Variants in TCF7L1 observed in about 807,000 individuals in gnomAD.
TCF7L1 encodes the protein transcription factor 7-like 1.
Under a neutral mutation model 63.7 loss-of-function variants are expected in TCF7L1, and 18 were observed. The ratio of observed to expected loss-of-function variants is 0.28; its 90% CI spans 0.20 to 0.42. TCF7L1 has a LOEUF of 0.42. Among genes scored for constraint, TCF7L1 ranks in the 10% least tolerant of loss-of-function variants. The pLI is 1.00. For missense variants in TCF7L1, 654 were observed against 779.3 expected, an observed-to-expected ratio of 0.84 and a Z score of 1.91; for synonymous variants, 355 against 340.9, an observed-to-expected ratio of 1.04 and a Z score of -0.46.
At chr2:85,154,777 C>T (rs1278292792) in intron 3 of TCF7L1, among the ~76,000 whole-genome samples, 2 of 152,216 alleles carry the variant, frequency 1.3e-5, no homozygotes, top group South Asian at 2.1e-4. Flanking sequence ...TAAGGAAGGC[C>T]GTCAAACAAG....
At position 85,133,610 on chromosome 2, in the gene TCF7L1, G is replaced by A. The variant is rs1005961840; in HGVS notation, c.-75G>A. 2 of 534,944 alleles carry A rather than the reference G, an allele frequency of 3.7e-6. No individual in the cohort carries two copies. Among genetic ancestry groups the A allele is most frequent in the African/African-American group, 4.1e-5 (2 of 48,392 alleles). The allele number at this position is 534,944 out of a possible 1,614,324, so 33.1% of individuals were successfully genotyped here. ...AGCGGGCCCGCAAGCGGGCGGGAGG[G>A]GCGCCGGGCCGGGCCGGGCAGGGCG... On this transcript the variant is annotated 5_prime_UTR_variant, in exon 1 of 12. Coordinates refer to ENST00000282111, the MANE Select transcript of TCF7L1 (RefSeq NM_031283.3). This position sits in a 1 kb window ranked among gnomAD's most constrained non-coding sequence, Gnocchi z 4.4.
At chr2:85,283,274 C>CCCA (rs1558655735) in intron 3 of TCF7L1, among the ~76,000 whole-genome samples, 1 of 138,712 alleles carries the variant, frequency 7.2e-6, no homozygotes, top group South Asian at 2.3e-4. Context: ...GTCCCCCCCC[C>CCCA]CAAAATGACA....
chr2:85,215,692 C>A (rs1679684356), intron 3 of TCF7L1, among the ~76,000 whole-genome samples: 1 of 140,260 alleles, frequency 7.1e-6, no homozygotes. Context: ...TTCTCTGTCC[C>A]TAATTGTTTG....
chr2:85,286,378 A>AT (rs1269847040), intron 4 of TCF7L1, among the ~76,000 whole-genome samples: 1 of 151,948 alleles, frequency 6.6e-6, no homozygotes, highest in African/African-American at 2.4e-5. Flanking sequence ...AAACAAAAAA[A>AT]AAAACTAACA....
rs778823137 is a variant in TCF7L1, at chr2:85,302,525, T to C, written c.567T>C (p.His189=). 37 of 1,614,206 alleles carry C rather than the reference T, an allele frequency of 2.3e-5. No individual in the cohort carries two copies. In the South Asian group the frequency reaches 4.1e-4, roughly 18 times the overall value. Residue 189 remains histidine (H), a synonymous_variant, in exon 5 of 12, where the codon CAT becomes CAC. Transcript: ENST00000282111. ...VPVVQHPHHM[H]PLTPLITYSN... ...TCGTTCAGCACCCGCATCACATGCA[T>C]CCGCTGACTCCCCTCATCACCTACA...
intron 3 of TCF7L1, among the ~76,000 whole-genome samples, chr2:85,173,425 G>A (rs527936230): frequency 1.3e-5 from 2 of 152,258 alleles, no homozygotes; most frequent in South Asian, 4.2e-4. Context: ...CAGCACCATG[G>A]GGGGATATAT....
Position 85,307,690 on chromosome 2 carries a change from T to A in TCF7L1, c.1306T>A (p.Ser436Thr), listed in dbSNP as rs1388483792. ...AGAAAAGCAGCTGTCCCAGACACAGTCACAGCAGCAAGTCCAGGAGGCAGA... is the reference window on the plus strand; with the variant it reads ...AGAAAAGCAGCTGTCCCAGACACAGACACAGCAGCAAGTCCAGGAGGCAGA... ...KREKQLSQTQ[S>T]QQQVQEAEGA... is the part of the protein sequence containing the mutation. Residue 436 changes from serine to threonine, a missense_variant, in exon 11 of 12, where the codon TCA (serine) becomes ACA (threonine). Ser to Thr is a moderately conservative substitution (Grantham distance 58). Around this residue, in one of 3 missense-constraint regions of TCF7L1, gnomAD observed 184 missense variants for 204.0 expected, o/e 0.90. Coordinates refer to ENST00000282111, the MANE Select transcript of TCF7L1 (RefSeq NM_031283.3). The A allele has an allele frequency of 6.2e-7, 1 of 1,613,728 alleles. No homozygotes were observed. Among genetic ancestry groups the A allele is most frequent in the Admixed American group, 1.7e-5 (1 of 60,016 alleles).
intron 3 of TCF7L1, among the ~76,000 whole-genome samples, chr2:85,213,240 T>G (rs185431619): frequency 3.9e-5 from 6 of 152,282 alleles, no homozygotes; most frequent in Admixed American, 6.5e-5. Flanking sequence ...GTATTAAACT[T>G]CGAAATGCAG....
intron 3 of TCF7L1, among the ~76,000 whole-genome samples, chr2:85,217,813 C>G (rs752181678): frequency 6.6e-5 from 10 of 152,186 alleles, no homozygotes; most frequent in Non-Finnish European, 1.5e-4. Flanking sequence ...ATTGGAAAAT[C>G]TGACATGCCC....
intron 3 of TCF7L1, among the ~76,000 whole-genome samples, chr2:85,211,559 G>A (rs1008530014): frequency 2.0e-5 from 3 of 152,164 alleles, no homozygotes; most frequent in Non-Finnish European, 2.9e-5. Flanking sequence ...TTCATAAAAC[G>A]ATGCATTATA....
chr2:85,290,070 C>T (rs570402091), intron 4 of TCF7L1, among the ~76,000 whole-genome samples: 111 of 151,792 alleles, frequency 7.3e-4, no homozygotes, highest in Admixed American at 1.4e-3. Flanking sequence ...TTTCACACTC[C>T]GGGTTCAAGC....
intron 3 of TCF7L1, among the ~76,000 whole-genome samples, chr2:85,198,152 CAT>C (rs1405863333): frequency 5.3e-5 from 8 of 152,190 alleles, no homozygotes; most frequent in Admixed American, 2.6e-4. Flanking sequence ...CAGTTACAGT[CAT>C]GTGGTATTGC....
chr2:85,236,748 G>T (rs1300000411), intron 3 of TCF7L1, among the ~76,000 whole-genome samples: 2 of 152,178 alleles, frequency 1.3e-5, no homozygotes, highest in Non-Finnish European at 2.9e-5. Context: ...CTGGGAGAAA[G>T]TCAGAATGCA....
At chr2:85,243,733 G>A (rs1040698120) in intron 3 of TCF7L1, among the ~76,000 whole-genome samples, 4 of 152,148 alleles carry the variant, frequency 2.6e-5, no homozygotes, top group Non-Finnish European at 4.4e-5. Context: ...GTGAAACTTC[G>A]TTCAGGAGAT....
chr2:85,196,960 C>T (rs1572987639), intron 3 of TCF7L1, among the ~76,000 whole-genome samples: 1 of 152,128 alleles, frequency 6.6e-6, no homozygotes, highest in Non-Finnish European at 1.5e-5. Flanking sequence ...TCCCCAGCCA[C>T]ACCAACCTGC....
chr2:85,192,643 A>G (rs575836122), intron 3 of TCF7L1, among the ~76,000 whole-genome samples: 3 of 151,250 alleles, frequency 2.0e-5, no homozygotes, highest in African/African-American at 7.3e-5. Context: ...TCGGCCTCCC[A>G]GAGTGCTGGG....
intron 3 of TCF7L1, among the ~76,000 whole-genome samples, chr2:85,185,212 G>T (rs530665880): frequency 6.6e-6 from 1 of 152,180 alleles, no homozygotes; most frequent in Admixed American, 6.5e-5. Flanking sequence ...TGTATTGAGG[G>T]TCTACTCTGT....
In TCF7L1 at chr2:85,303,879, C is replaced by T. The variant is rs995175983; in HGVS notation, c.659-16C>T. ...AGGGCGAGGGAACAGTCTGACATAT[C>T]TCTCTTTGGAAGCAGGAATCCCCCG... On this transcript the variant is annotated splice_polypyrimidine_tract_variant and intron_variant, in intron 5 of 11. Transcript: ENST00000282111. 1 of 1,589,634 alleles carries T rather than the reference C, an allele frequency of 6.3e-7. No individual in the cohort carries two copies. Among genetic ancestry groups the T allele is most frequent in the Non-Finnish European group, 8.6e-7 (1 of 1,160,932 alleles).
At chr2:85,277,816 C>T (rs1160224541) in intron 3 of TCF7L1, among the ~76,000 whole-genome samples, 1 of 152,168 alleles carries the variant, frequency 6.6e-6, no homozygotes, top group African/African-American at 2.4e-5. Context: ...TTGCCCAGGC[C>T]CTGCTTAAAG....
Sources: allele counts gnomAD v4.1 joint callset (sites outside exome capture counted in the v4.1 genomes callset), GRCh38; gene constraint gnomAD v4.1.1; regional missense constraint gnomAD v4.1.1; non-coding constraint Gnocchi (gnomAD v3.1); transcripts MANE v1.5; gene names NCBI Gene and HGNC (gene_info 2026-07-23, HGNC 2026-07-21).